VTI1A: variants seen among roughly 807,000 people sequenced by gnomAD.
VTI1A encodes the protein vesicle transport through interaction with t-SNAREs 1A, also known as vesicle transport through interaction with t-SNAREs homolog 1A.
VTI1A carries 22 observed loss-of-function variants against 34.9 expected under a neutral mutation model. The ratio of observed to expected loss-of-function variants is 0.63; its 90% CI spans 0.45 to 0.90. The LOEUF is 0.90. Among genes scored for constraint, VTI1A ranks in the 40% least tolerant of loss-of-function variants. The probability of loss-of-function intolerance (pLI) is 0.00; values close to 1 mark genes in which losing one functional copy is unlikely to be tolerated. For synonymous variants in VTI1A, 87 were observed against 97.3 expected (o/e 0.89, Z 0.62); for missense variants, 268 against 275.6 (o/e 0.97, Z 0.20).
intron 2 of VTI1A, among the ~76,000 whole-genome samples, chr10:112,461,542 T>C (rs1435458530): frequency 2.0e-5 from 3 of 152,218 alleles, no homozygotes; most frequent in African/African-American, 7.2e-5. Context: ...GTTCCTAGTT[T>C]GCTAAACTCA....
intron 5 of VTI1A, among the ~76,000 whole-genome samples, chr10:112,583,197 G>A (rs1030125471): frequency 6.6e-6 from 1 of 152,122 alleles, no homozygotes; most frequent in African/African-American, 2.4e-5. Flanking sequence ...TCTGGCCCTG[G>A]GTGCTGATAA....
At chr10:112,552,693 T>A (rs1851403587) in intron 5 of VTI1A, among the ~76,000 whole-genome samples, 1 of 152,294 alleles carries the variant, frequency 6.6e-6, no homozygotes, top group East Asian at 1.9e-4. Context: ...GCCTGCCAGC[T>A]GTGAATTTTC....
At chr10:112,580,370 A>G (rs181652257) in intron 5 of VTI1A, among the ~76,000 whole-genome samples, 1 of 152,316 alleles carries the variant, frequency 6.6e-6, no homozygotes, top group Non-Finnish European at 1.5e-5. Context: ...CAAGGTCAAG[A>G]ACTTAGAAAG....
intron 3 of VTI1A, among the ~76,000 whole-genome samples, chr10:112,512,074 A>G (rs1020110817): frequency 6.6e-6 from 1 of 152,106 alleles, no homozygotes; most frequent in African/African-American, 2.4e-5. Flanking sequence ...CTTTGGGTAG[A>G]TACTCCGTAG....
At chr10:112,466,238 G>A (rs953925230) in intron 3 of VTI1A, among the ~76,000 whole-genome samples, 2 of 152,154 alleles carry the variant, frequency 1.3e-5, no homozygotes, top group African/African-American at 4.8e-5. Flanking sequence ...CTAGGCTACC[G>A]TATACCTTTC....
chr10:112,490,161 T>C (rs1212014277), intron 3 of VTI1A, among the ~76,000 whole-genome samples: 2 of 152,242 alleles, frequency 1.3e-5, no homozygotes, highest in Non-Finnish European at 2.9e-5. Context: ...GCTTTCATGG[T>C]AAATTATTGG....
intron 5 of VTI1A, among the ~76,000 whole-genome samples, chr10:112,551,638 A>G (rs1851364132): frequency 6.6e-6 from 1 of 152,244 alleles, no homozygotes; most frequent in Admixed American, 6.5e-5. Context: ...TATCTTGGCA[A>G]AATGCCTATG....
intron 3 of VTI1A, among the ~76,000 whole-genome samples, chr10:112,519,472 CT>C: frequency 6.6e-6 from 1 of 152,086 alleles, no homozygotes; most frequent in African/African-American, 2.4e-5. Context: ...AATATTCTAG[CT>C]ATTGATAGCA....
chr10:112,845,985 G>T, the VTI1A span, among the ~76,000 whole-genome samples: 2 of 152,066 alleles, frequency 1.3e-5, no homozygotes, highest in Non-Finnish European at 2.9e-5. Context: ...ACCACGACAC[G>T]CCAGCCTGGG....
At chr10:112,794,112 T>C (rs1230712173) in intron 7 of VTI1A, among the ~76,000 whole-genome samples, 1 of 152,216 alleles carries the variant, frequency 6.6e-6, no homozygotes, top group African/African-American at 2.4e-5. Flanking sequence ...AAAAAGGTGA[T>C]GTTTTTGTAC....
chr10:112,542,200 A>T (rs919955422), intron 5 of VTI1A, among the ~76,000 whole-genome samples: 2 of 152,186 alleles, frequency 1.3e-5, no homozygotes, highest in African/African-American at 4.8e-5. Flanking sequence ...TAACAAAGAA[A>T]CAGGCTGAAA....
the VTI1A span, chr10:112,832,107 C>G: frequency 2.0e-5 from 3 of 152,186 alleles, no homozygotes; most frequent in Non-Finnish European, 2.9e-5. Flanking sequence ...ACAAGGGAGA[C>G]TTAGGCTGTT....
At position 112,595,767 on chromosome 10, in the gene VTI1A, A is replaced by T. The variant is rs1437206396; in HGVS notation, c.427+57437A>T. On this transcript the variant is annotated intron_variant, in intron 5 of 7. Transcript: ENST00000393077. ...AAGTCAGTGTGGCGATTCCTCAGGG[A>T]TCTAGAACTAGAAATACCATTTGAC... 1.0e-4 allele frequency among the ~76,000 whole-genome samples: 15 copies of T among 150,664 alleles called. No homozygotes were observed. The East Asian group carries it at 2.5e-3, about 25-fold the overall frequency.
chr10:112,463,425 C>T (rs1199395776), intron 2 of VTI1A, among the ~76,000 whole-genome samples: 1 of 152,158 alleles, frequency 6.6e-6, no homozygotes, highest in African/African-American at 2.4e-5. Context: ...GAAAAAGACA[C>T]TATTTTGTAA....
chr10:112,848,264 G>A, the VTI1A span, among the ~76,000 whole-genome samples: 1 of 152,206 alleles, frequency 6.6e-6, no homozygotes, highest in African/African-American at 2.4e-5. Flanking sequence ...GTGGCCAGGT[G>A]TAATTAATTA....
chr10:112,599,085 G>A (rs1258204303), intron 5 of VTI1A, among the ~76,000 whole-genome samples: 2 of 152,174 alleles, frequency 1.3e-5, no homozygotes, highest in Non-Finnish European at 2.9e-5. Context: ...ACCCAGAACA[G>A]GAAGAGTCAA....
intron 3 of VTI1A, among the ~76,000 whole-genome samples, chr10:112,520,422 T>A (rs1417007076): frequency 5.3e-5 from 8 of 152,044 alleles, no homozygotes; most frequent in African/African-American, 1.9e-4. Context: ...AAATTTAAAT[T>A]ACAGGCTAAA....
chr10:112,812,726 A>G (rs1450550752), intron 7 of VTI1A, among the ~76,000 whole-genome samples: 1 of 151,988 alleles, frequency 6.6e-6, no homozygotes, highest in East Asian at 1.9e-4. Flanking sequence ...TCTTCCTCCC[A>G]AATGTCTGCC....
intron 7 of VTI1A, among the ~76,000 whole-genome samples, chr10:112,716,574 C>T (rs771566063): frequency 6.6e-6 from 1 of 152,056 alleles, no homozygotes; most frequent in Non-Finnish European, 1.5e-5. Flanking sequence ...GAAGAGAGAA[C>T]AGGGACATGG....
Sources: allele counts gnomAD v4.1 joint callset (sites outside exome capture counted in the v4.1 genomes callset), GRCh38; gene constraint gnomAD v4.1.1; transcripts MANE v1.5; gene names NCBI Gene and HGNC (gene_info 2026-07-23, HGNC 2026-07-21).